BACH1: variants seen among roughly 807,000 people sequenced by gnomAD.
BACH1 encodes transcription regulator protein BACH1.
Under a neutral mutation model 52.9 loss-of-function variants are expected in BACH1, and 35 were observed. The ratio of observed to expected loss-of-function variants is 0.66; its 90% confidence interval spans 0.51 to 0.88. The LOEUF is 0.88. BACH1 is among the 40% of genes least tolerant of loss of function. The pLI is 0.00. For synonymous variants in BACH1, 321 were observed against 319.6 expected, an observed-to-expected ratio of 1.00 and a Z score of -0.05; for missense variants, 808 against 872.6, an observed-to-expected ratio of 0.93 and a Z score of 0.93.
rs746856749 is a variant in BACH1, at chr21:29,326,547, T to G, written c.723T>G (p.Thr241=). ...QKAFGTDRVR[T]GESSVKDIHA... is the part of the protein sequence containing the mutation. Reference sequence around the variant, plus strand: ...CATTTGGAACTGACAGAGTCCGTACTGGGGAATCTAGTGTCAAAGACATTC... The same window carrying G: ...CATTTGGAACTGACAGAGTCCGTACGGGGGAATCTAGTGTCAAAGACATTC... Residue 241 remains threonine (T), a synonymous_variant, in exon 3 of 5, where the codon ACT becomes ACG. Coordinates refer to ENST00000286800, the MANE Select transcript of BACH1 (RefSeq NM_001186.4). 11 of 1,614,204 alleles carry G rather than the reference T, an allele frequency of 6.8e-6. No homozygotes were observed. Among genetic ancestry groups the G allele is most frequent in the Non-Finnish European group, 9.3e-6 (11 of 1,180,042 alleles).
chr21:29,333,291 T>A (rs994796934), intron 4 of BACH1, among the ~76,000 whole-genome samples: 1 of 152,154 alleles, frequency 6.6e-6, no homozygotes, highest in African/African-American at 2.4e-5. Context: ...AACAGAAAAC[T>A]AGGAGGGTTA....
intron 2 of BACH1, among the ~76,000 whole-genome samples, chr21:29,324,478 C>G (rs967562705): frequency 3.3e-5 from 5 of 151,750 alleles, no homozygotes; most frequent in African/African-American, 1.2e-4. Context: ...TTTGACTTAG[C>G]TGAGATTATC....
chr21:29,323,694 A>G (rs1240955314), intron 2 of BACH1, among the ~76,000 whole-genome samples: 1 of 152,162 alleles, frequency 6.6e-6, no homozygotes, highest in Non-Finnish European at 1.5e-5. Flanking sequence ...CTTCAATCCA[A>G]TCAAGTTGAC....
chr21:29,326,685 A>C lies in BACH1; in HGVS notation c.861A>C (p.Glu287Asp). 1 of 1,614,200 alleles carries C rather than the reference A, an allele frequency of 6.2e-7. No homozygotes were observed. The highest frequency in any genetic ancestry group is 8.5e-7 in the Non-Finnish European group (1 of 1,180,040). The change falls in exon 3 of 5, where the codon GAA becomes GAC. Residue 287 changes from glutamate (E) to aspartate (D), a missense_variant. By Grantham distance (45) the Glu-to-Asp change is conservative. Coordinates refer to ENST00000286800, the MANE Select transcript of BACH1 (RefSeq NM_001186.4). ...GTGACGAAAGTAAATTAGCAATGGA[A>C]CCTGAAGAAACGAAGAAAGATCCTG... ...LKCDESKLAM[E>D]PEETKKDPAS...
chr21:29,355,884 G>A (rs923953906), intron 2 of BACH1, among the ~76,000 whole-genome samples: 1 of 152,124 alleles, frequency 6.6e-6, no homozygotes, highest in African/African-American at 2.4e-5. Context: ...AGCGCCAGGT[G>A]GCATCTCTTA....
chr21:29,307,991 G>GT (rs2088677866), intron 1 of BACH1, among the ~76,000 whole-genome samples: 1 of 152,156 alleles, frequency 6.6e-6, no homozygotes, highest in African/African-American at 2.4e-5. Context: ...ACTGGTATTA[G>GT]TTTTTTGGAT....
Position 29,344,937 on chromosome 21 carries a change from T to G in BACH1, c.*2104T>G, listed in dbSNP as rs1412004885. On this transcript the variant is annotated 3_prime_UTR_variant, in exon 5 of 5. Coordinates refer to ENST00000286800, the MANE Select transcript of BACH1 (RefSeq NM_001186.4). ...GATTACCTACTATTTTATGATAAAATGTAGTTGTCTCCAGAGCTTAAATAT... is the reference window on the plus strand; with the variant it reads ...GATTACCTACTATTTTATGATAAAAGGTAGTTGTCTCCAGAGCTTAAATAT... 1 of 152,646 alleles carries G rather than the reference T, an allele frequency of 6.6e-6. No individual in the cohort carries two copies. Among genetic ancestry groups the G allele is most frequent in the Non-Finnish European group, 1.5e-5 (1 of 68,024 alleles). 9.5% of individuals were successfully genotyped at this position (152,646 alleles called of 1,614,324 possible). A position where few individuals can be genotyped will look rare whatever the true frequency, so the allele number is the denominator to read the frequency against.
At chr21:29,351,103 T>C (rs2089199505), downstream of BACH1, among the ~76,000 whole-genome samples, 1 of 152,228 alleles carries the variant, frequency 6.6e-6, no homozygotes, top group African/African-American at 2.4e-5. Context: ...AGCCATCCTT[T>C]AAAACAGACA....
rs940718844 is a variant in BACH1 at position 29,330,955 on chromosome 21, T to TA, written c.1776+1273dup. Among the ~76,000 whole-genome samples the TA allele has an allele frequency of 9.1e-3, 1,317 of 144,896 alleles. 19 individuals carry two copies. Among genetic ancestry groups the TA allele is most frequent in the African/African-American group, 0.029 (1,144 of 39,798 alleles). On this transcript the variant is annotated intron_variant, in intron 4 of 4. Transcript: ENST00000286800. ...TTACAAATAGAGGCATGAGAGATGTTAAAAAAAAAAACAAAAAACCCAAAC... is the reference window on the plus strand; with the variant it reads ...TTACAAATAGAGGCATGAGAGATGTTAAAAAAAAAAAACAAAAAACCCAAAC...
chr21:29,345,249 A>G lies in BACH1; in HGVS notation c.*2416A>G, dbSNP rs1014090850. On this transcript the variant is annotated 3_prime_UTR_variant, in exon 5 of 5. Transcript: ENST00000286800. ...ATTACACATTTATGCCTATTTTAAC[A>G]TTAACTTCTAAAGAAGTTTTTTCTA... 3 of 152,624 alleles carry G rather than the reference A, an allele frequency of 2.0e-5. No homozygotes were observed. 9.5% of individuals were successfully genotyped at this position (152,624 alleles called of 1,614,324 possible). A position where few individuals can be genotyped will look rare whatever the true frequency, so the allele number is the denominator to read the frequency against.
At chr21:29,321,100 T>G (rs2088842265) in intron 1 of BACH1, 121 bp from the exon 2 acceptor site, 1 of 591,830 alleles carries the variant, frequency 1.7e-6, no homozygotes. Flanking sequence ...CTCTAGGTTG[T>G]TCCTCTGGAG....
At position 29,327,162 on chromosome 21, in the gene BACH1, A is replaced by C; in HGVS notation, c.1338A>C (p.Pro446=). 6.2e-7 allele frequency: 1 copy of C among 1,614,264 alleles called. No individual in the cohort carries two copies. Among genetic ancestry groups the C allele is most frequent in the Non-Finnish European group, 8.5e-7 (1 of 1,180,044 alleles). Residue 446 remains proline, a synonymous_variant, in exon 3 of 5, where the codon CCA becomes CCC. Transcript: ENST00000286800. ...TAGGTATCAGGATTAGTGAGAGCCC[A>C]GAACCAGGTCAAAGGACTTTCACAA... ...PWLGIRISES[P]EPGQRTFTTL...
intron 4 of BACH1, among the ~76,000 whole-genome samples, chr21:29,339,181 A>T (rs2089081053): frequency 1.3e-5 from 2 of 152,142 alleles, no homozygotes; most frequent in African/African-American, 2.4e-5. Context: ...ACATAATTTT[A>T]TTAGATATTA....
At chr21:29,336,242 T>C (rs1291951171) in intron 4 of BACH1, among the ~76,000 whole-genome samples, 1 of 152,248 alleles carries the variant, frequency 6.6e-6, no homozygotes, top group African/African-American at 2.4e-5. Context: ...TTTGTCTGAT[T>C]GCTTCCCCAT....
At chr21:29,338,977 AGTTCAGAGAG>A (rs770048159) in intron 4 of BACH1, among the ~76,000 whole-genome samples, 7 of 152,074 alleles carry the variant, frequency 4.6e-5, no homozygotes, top group Non-Finnish European at 1.0e-4. Context: ...ATTTTTTCTT[AGTTCAGAGAG>A]GTTGTCATTC....
rs1395436934 is a variant in BACH1, at chr21:29,321,482, G to A, written c.202G>A (p.Asp68Asn). The A allele has an allele frequency of 1.2e-6, 2 of 1,614,154 alleles. No homozygotes were observed. Among genetic ancestry groups the A allele is most frequent in the Middle Eastern group, 1.6e-4 (1 of 6,062 alleles). The change falls in exon 2 of 5, where the codon GAT (aspartate) becomes AAT (asparagine). Residue 68 changes from aspartate (D) to asparagine (N), a missense_variant. Coordinates refer to ENST00000286800, the MANE Select transcript of BACH1 (RefSeq NM_001186.4). ...CCACTCAAGAATCGTAGGCCAGGCT[G>A]ATGGAGAGCTGAACATTACTCTTCC... is the stretch of plus-strand genomic sequence containing the variant. The part of the protein sequence containing the change: ...YFHSRIVGQA[D>N]GELNITLPEE...
At chr21:29,324,556 TTGTGTGTGTGTGTGTG>T (rs59785894) in intron 2 of BACH1, among the ~76,000 whole-genome samples, 2,174 of 145,322 alleles carry the variant, frequency 0.015, 21 homozygotes, top group African/African-American at 0.027. Flanking sequence ...TGGATGTACC[TTGTGTGTGTGTGTGTG>T]TGTGTGTGTG....
At chr21:29,301,857 TG>T (rs2123398539) in intron 1 of BACH1, among the ~76,000 whole-genome samples, 1 of 152,306 alleles carries the variant, frequency 6.6e-6, no homozygotes, top group South Asian at 2.1e-4. Context: ...CCTTGGGAAG[TG>T]GCATTTATTC....
At chr21:29,351,619 G>A (rs763963687) in intron 2 of BACH1, 2 of 534,674 alleles carry the variant, frequency 3.7e-6, no homozygotes, top group East Asian at 1.1e-4. Context: ...TGATATTTGA[G>A]GGGTTCTGTT....
Sources: allele counts gnomAD v4.1 joint callset (sites outside exome capture counted in the v4.1 genomes callset), GRCh38; gene constraint gnomAD v4.1.1; transcripts MANE v1.5; gene names NCBI Gene and HGNC (gene_info 2026-07-23, HGNC 2026-07-21).